RAPGEF6: variants seen among roughly 807,000 people sequenced by gnomAD.
RAPGEF6 encodes the protein Rap guanine nucleotide exchange factor 6.
RAPGEF6 carries 56 observed loss-of-function variants against 171.4 expected under a neutral mutation model. The ratio of observed to expected loss-of-function variants is 0.33; its 90% CI spans 0.26 to 0.41. The LOEUF is 0.41. Among genes scored for constraint, RAPGEF6 ranks in the 10% least tolerant of loss-of-function variants. RAPGEF6 has a pLI of 1.00. For missense variants in RAPGEF6, 1,674 were observed against 1,921.4 expected, an observed-to-expected ratio of 0.87 and a Z score of 2.41; for synonymous variants, 692 against 650.1, an observed-to-expected ratio of 1.06 and a Z score of -0.98.
intron 5 of RAPGEF6, among the ~76,000 whole-genome samples, chr5:131,552,644 A>G (rs1248095805): frequency 1.3e-5 from 2 of 152,034 alleles, no homozygotes; most frequent in African/African-American, 4.8e-5. Flanking sequence ...TATTTTTAGT[A>G]GAGATGGGGT....
intron 6 of RAPGEF6, among the ~76,000 whole-genome samples, chr5:131,543,659 C>T (rs183098315): frequency 2.3e-4 from 35 of 152,196 alleles, no homozygotes; most frequent in Admixed American, 1.4e-3. Context: ...GGTGAAGCAC[C>T]GAAGATTTAG....
At position 131,568,873 on chromosome 5, in the gene RAPGEF6, A is replaced by G. The variant is rs765009582; in HGVS notation, c.282-6826T>C. Reference sequence around the variant, plus strand: ...AAATATAAACTACTAGATCTAATAAAAGATTATATCAAGGTCACAGGATAT... The same window carrying G: ...AAATATAAACTACTAGATCTAATAAGAGATTATATCAAGGTCACAGGATAT... On this transcript the variant is annotated intron_variant, in intron 4 of 27. Coordinates refer to ENST00000509018, the MANE Select transcript of RAPGEF6 (RefSeq NM_016340.6). Among the ~76,000 whole-genome samples the G allele has an allele frequency of 4.5e-4, 69 of 152,310 alleles. 1 individual carries two copies. Among genetic ancestry groups the G allele is most frequent in the Non-Finnish European group, 8.7e-4 (59 of 68,016 alleles).
chr5:131,619,433 C>T (rs747398301), intron 1 of RAPGEF6, among the ~76,000 whole-genome samples: 5 of 152,030 alleles, frequency 3.3e-5, no homozygotes, highest in Non-Finnish European at 5.9e-5. Context: ...CAAACCTGCA[C>T]GTTCTGCACA....
intron 6 of RAPGEF6, among the ~76,000 whole-genome samples, chr5:131,528,321 A>ATTTATATAT (rs1209763700): frequency 3.7e-5 from 2 of 54,386 alleles, no homozygotes; most frequent in Non-Finnish European, 8.5e-5. Context: ...TATTATATAT[A>ATTTATATAT]TATATATATA....
chr5:131,591,243 G>GA lies in RAPGEF6; in HGVS notation c.281+1139dup, dbSNP rs896359874. Among the ~76,000 whole-genome samples, 4 of 151,984 alleles carry GA rather than the reference G, an allele frequency of 2.6e-5. 1 individual carries two copies. The highest frequency in any genetic ancestry group is 2.4e-5 in the African/African-American group (1 of 41,386). On this transcript the variant is annotated intron_variant, in intron 4 of 27. Transcript: ENST00000509018. ...TAGAAATTTCTTCTCAACATTTTGG[G>GA]AAAAAAGTCACAAAAAATTACATTT...
At chr5:131,523,534 C>A (rs1758652102) in intron 6 of RAPGEF6, among the ~76,000 whole-genome samples, 1 of 151,606 alleles carries the variant, frequency 6.6e-6, no homozygotes, top group East Asian at 1.9e-4. Context: ...AAAGATTTGA[C>A]AGAGCTAAGA....
At chr5:131,458,185 G>A (rs78413599) in intron 19 of RAPGEF6, among the ~76,000 whole-genome samples, 3,839 of 152,260 alleles carry the variant, frequency 0.025, 73 homozygotes, top group Non-Finnish European at 0.039. Flanking sequence ...ATTTCACGTG[G>A]AATTGTAATC....
rs3776010 is a variant in RAPGEF6, at chr5:131,534,197, G to C, written c.496-12676C>G. On this transcript the variant is annotated intron_variant, in intron 6 of 27. Transcript: ENST00000509018. ...CAACATAAGAGGAGATGTTACCTGG[G>C]AGACAGGTCTTTTAACAAAGGACTC... is the stretch of plus-strand genomic sequence containing the variant. Among the ~76,000 whole-genome samples, 138 of 152,168 alleles carry C rather than the reference G, an allele frequency of 9.1e-4. 1 individual carries two copies. In the East Asian group the frequency reaches 0.025, roughly 27 times the overall value.
intron 3 of RAPGEF6, among the ~76,000 whole-genome samples, chr5:131,601,717 A>AG (rs1764266815): frequency 6.6e-6 from 1 of 152,142 alleles, no homozygotes; most frequent in Admixed American, 6.5e-5. Context: ...GAACTTAACT[A>AG]TACACAGCTA....
At chr5:131,502,351 G>A (rs1162333296) in intron 11 of RAPGEF6, among the ~76,000 whole-genome samples, 2 of 152,216 alleles carry the variant, frequency 1.3e-5, no homozygotes, top group Non-Finnish European at 2.9e-5. Context: ...TCTGAGGATA[G>A]TATTTTGATA....
chr5:131,629,251 G>A (rs776215760), intron 1 of RAPGEF6, among the ~76,000 whole-genome samples: 5 of 152,090 alleles, frequency 3.3e-5, no homozygotes, highest in Admixed American at 6.6e-5. Context: ...AGGCTGAGGT[G>A]GGAGGATCAC....
At chr5:131,564,544 C>A (rs1761807513) in intron 4 of RAPGEF6, among the ~76,000 whole-genome samples, 1 of 152,092 alleles carries the variant, frequency 6.6e-6, no homozygotes, top group Non-Finnish European at 1.5e-5. Context: ...AAACCCAATA[C>A]CACCTAAAGA....
At chr5:131,442,319 A>T in intron 23 of RAPGEF6, 30 bp downstream of exon 23, 1 of 1,552,452 alleles carries the variant, frequency 6.4e-7, no homozygotes, top group East Asian at 2.3e-5. Context: ...TTTCAGGTAA[A>T]CGGATGTAAT....
intron 5 of RAPGEF6, 68 bp from the exon 6 acceptor site, chr5:131,548,258 C>T: frequency 6.7e-7 from 1 of 1,489,342 alleles, no homozygotes; most frequent in Non-Finnish European, 9.2e-7. Context: ...TCTATGGAGT[C>T]TTAACAGACT....
intron 1 of RAPGEF6, among the ~76,000 whole-genome samples, chr5:131,609,182 G>GAT (rs1323874985): frequency 3.3e-5 from 5 of 152,088 alleles, no homozygotes; most frequent in Non-Finnish European, 7.4e-5. Flanking sequence ...GGCCAATCTA[G>GAT]AATCTTCCAG....
At chr5:131,487,097 C>T (rs1419649493) in intron 15 of RAPGEF6, among the ~76,000 whole-genome samples, 3 of 152,180 alleles carry the variant, frequency 2.0e-5, no homozygotes, top group Admixed American at 1.3e-4. Flanking sequence ...CAGACCTTCA[C>T]GGTTGAGTGT....
intron 11 of RAPGEF6, among the ~76,000 whole-genome samples, chr5:131,503,165 C>T (rs1757135084): frequency 6.6e-6 from 1 of 152,106 alleles, no homozygotes; most frequent in African/African-American, 2.4e-5. Context: ...GTGTTTATGT[C>T]AGAGAGTGTC....
rs183214134 is a variant in RAPGEF6 at position 131,628,321 on chromosome 5, T to C, written c.69+6641A>G. Among the ~76,000 whole-genome samples, 729 of 151,392 alleles carry C rather than the reference T, an allele frequency of 4.8e-3. 5 individuals carry two copies. The highest frequency in any genetic ancestry group is 0.017 in the African/African-American group (691 of 41,298). ...AAGTGAAAAAGTCTTATTGCTGATA[T>C]GGAGAAAGTTTGAGTGGTCTAGATA... is the stretch of plus-strand genomic sequence containing the variant. On this transcript the variant is annotated intron_variant, in intron 1 of 27. Transcript: ENST00000509018.
rs1346548661 is a variant in RAPGEF6 at position 131,426,997 on chromosome 5, G to GT, written c.*268dup. 7 of 459,778 alleles carry GT rather than the reference G, an allele frequency of 1.5e-5. No individual in the cohort carries two copies. Among genetic ancestry groups the GT allele is most frequent in the Non-Finnish European group, 2.7e-5 (7 of 261,224 alleles). The allele number at this position is 459,778 out of a possible 1,614,324, so 28.5% of individuals were successfully genotyped here. A position where few individuals can be genotyped will look rare whatever the true frequency, so the allele number is the denominator to read the frequency against. Reference sequence around the variant, plus strand: ...ATCACTCTGAGTTTACATTTTTTCTGTAACTGTGGTCCCAAGGCAGTTCCG... The same window carrying GT: ...ATCACTCTGAGTTTACATTTTTTCTGTTAACTGTGGTCCCAAGGCAGTTCCG... On this transcript the variant is annotated 3_prime_UTR_variant, in exon 28 of 28. Coordinates refer to ENST00000509018, the MANE Select transcript of RAPGEF6 (RefSeq NM_016340.6).
Sources: gnomAD v4.1 joint callset for allele counts (sites outside exome capture counted in the v4.1 genomes callset) on GRCh38, gnomAD v4.1.1 for gene constraint, MANE v1.5 for transcripts, NCBI Gene and HGNC (gene_info 2026-07-23, HGNC 2026-07-21) for gene names.